DCAF8L2: variants seen among roughly 807,000 people sequenced by gnomAD.
The protein encoded by DCAF8L2 is DDB1- and CUL4-associated factor 8-like protein 2.
For synonymous variants in DCAF8L2, 200 were observed against 190.9 expected, an observed-to-expected ratio of 1.05 and a Z score of -0.39; for missense variants, 430 against 490.7, an observed-to-expected ratio of 0.88 and a Z score of 1.17.
chrX:27,664,198 G>C (rs1414843711), intron 2 of DCAF8L2, among the ~76,000 whole-genome samples: 1 of 111,037 alleles, frequency 9.0e-6, no homozygotes, highest in Non-Finnish European at 1.9e-5. Flanking sequence ...TAAATGCAAG[G>C]GAACAGGTAT....
intron 2 of DCAF8L2, among the ~76,000 whole-genome samples, chrX:27,664,811 A>G (rs951521796): frequency 1.8e-5 from 2 of 111,142 alleles, no homozygotes; most frequent in African/African-American, 6.5e-5. Context: ...CCTGTGCCCT[A>G]TAAATAGAAA....
At chrX:27,489,044 A>G in the DCAF8L2 span, among the ~76,000 whole-genome samples, 2 of 111,553 alleles carry the variant, frequency 1.8e-5, no homozygotes, top group African/African-American at 3.3e-5. Context: ...TTGTATTGCC[A>G]TATTAATTTT....
chrX:27,539,280 G>A, the DCAF8L2 span, among the ~76,000 whole-genome samples: 2 of 111,523 alleles, frequency 1.8e-5, no homozygotes, highest in Admixed American at 1.9e-4. Flanking sequence ...GGTTTTCTTG[G>A]GGGGAAGAAG....
chrX:27,525,946 A>G, the DCAF8L2 span, among the ~76,000 whole-genome samples: 3 of 111,547 alleles, frequency 2.7e-5, no homozygotes, highest in African/African-American at 9.8e-5. Flanking sequence ...TTTCTCGCTG[A>G]CTGCTCTTAA....
intron 2 of DCAF8L2, among the ~76,000 whole-genome samples, chrX:27,638,187 A>G (rs1928575811): frequency 8.9e-6 from 1 of 112,066 alleles, no homozygotes; most frequent in Admixed American, 9.5e-5. Flanking sequence ...TTGCTGGAAT[A>G]TCCCTGCTTT....
At chrX:27,576,674 G>A in the DCAF8L2 span, among the ~76,000 whole-genome samples, 1 of 111,439 alleles carries the variant, frequency 9.0e-6, no homozygotes, top group Non-Finnish European at 1.9e-5. Context: ...CAAAAATATA[G>A]AAAGAAAAAA....
chrX:27,494,896 C>T, the DCAF8L2 span, among the ~76,000 whole-genome samples: 458 of 111,200 alleles, frequency 4.1e-3, 1 homozygote, highest in African/African-American at 0.014. Flanking sequence ...ATCAATGTGG[C>T]CATTAGAAGG....
At chrX:27,595,015 AAC>A (rs1399109924) in intron 1 of DCAF8L2, among the ~76,000 whole-genome samples, 9 of 111,494 alleles carry the variant, frequency 8.1e-5, no homozygotes, top group Non-Finnish European at 1.3e-4. Context: ...CTTCCAGGAC[AAC>A]ACTTTCTCTT....
At chrX:27,654,811 T>G (rs981817558) in intron 2 of DCAF8L2, among the ~76,000 whole-genome samples, 7 of 112,130 alleles carry the variant, frequency 6.2e-5, no homozygotes, top group African/African-American at 2.3e-4. Flanking sequence ...TATACTTTGA[T>G]TTTTCTTCAT....
chrX:27,587,985 A>AAAAAAAAAATATATATAT, upstream of DCAF8L2, among the ~76,000 whole-genome samples: 17 of 22,348 alleles, frequency 7.6e-4, no homozygotes, highest in African/African-American at 1.6e-3. Context: ...TAAAAAAAAA[A>AAAAAAAAAATATATATAT]ATATATATAT....
intron 2 of DCAF8L2, among the ~76,000 whole-genome samples, chrX:27,661,940 A>C: frequency 8.9e-6 from 1 of 112,021 alleles, no homozygotes; most frequent in Non-Finnish European, 1.9e-5. Context: ...CACTGAAATA[A>C]ACTTAGTGTT....
chrX:27,557,068 T>C, the DCAF8L2 span, among the ~76,000 whole-genome samples: 2 of 112,633 alleles, frequency 1.8e-5, no homozygotes, highest in Admixed American at 9.5e-5. Flanking sequence ...TTCCACAAAC[T>C]GAAATGTAAT....
At chrX:27,668,066 G>T (rs112258256) in intron 2 of DCAF8L2, among the ~76,000 whole-genome samples, 1,914 of 111,782 alleles carry the variant, frequency 0.017, 43 homozygotes, top group African/African-American at 0.058. Flanking sequence ...AGTCAGTAAG[G>T]CTTCTTCCCA....
chrX:27,528,501 T>TAC, the DCAF8L2 span, among the ~76,000 whole-genome samples: 700 of 100,203 alleles, frequency 7.0e-3, 5 homozygotes, highest in Middle Eastern at 0.011. Context: ...TATATATATA[T>TAC]ACACACACAC....
At chrX:27,644,053 C>CT (rs1326621745) in intron 2 of DCAF8L2, among the ~76,000 whole-genome samples, 1 of 111,731 alleles carries the variant, frequency 9.0e-6, no homozygotes, top group African/African-American at 3.3e-5. Context: ...AGCTCACTCA[C>CT]TATTTTTCTA....
intron 1 of DCAF8L2, among the ~76,000 whole-genome samples, chrX:27,598,974 A>AAATAT (rs1555917079): frequency 0.014 from 1,255 of 92,158 alleles, 10 homozygotes; most frequent in Middle Eastern, 0.033. Flanking sequence ...AAAAAAAAAA[A>AAATAT]ATATATATAT....
the DCAF8L2 span, among the ~76,000 whole-genome samples, chrX:27,567,177 AC>A: frequency 9.0e-6 from 1 of 110,763 alleles, no homozygotes; most frequent in Non-Finnish European, 1.9e-5. Context: ...TTCCATGTGC[AC>A]TTGAGAAAAA....
At chrX:27,742,570 A>G in intron 4 of DCAF8L2, among the ~76,000 whole-genome samples, 1 of 107,715 alleles carries the variant, frequency 9.3e-6, no homozygotes, top group African/African-American at 3.4e-5. Context: ...CTCCATCTCA[A>G]AAACAAAAAC....
intron 3 of DCAF8L2, among the ~76,000 whole-genome samples, chrX:27,695,609 G>A (rs774041641): frequency 1.4e-4 from 15 of 111,079 alleles, no homozygotes; most frequent in Non-Finnish European, 2.5e-4. Context: ...AAAATAAAAC[G>A]TTTACAGGCT....
Sources: gnomAD v4.1 joint callset for allele counts (sites outside exome capture counted in the v4.1 genomes callset) on GRCh38, gnomAD v4.1.1 for gene constraint, MANE v1.5 for transcripts, NCBI Gene and HGNC (gene_info 2026-07-23, HGNC 2026-07-21) for gene names.